CDH12: variants seen among roughly 807,000 people sequenced by gnomAD.
CDH12 encodes the protein cadherin 12.
In CDH12, 41 loss-of-function variants were observed where a neutral mutation model predicts 74.1. The ratio of observed to expected loss-of-function variants is 0.55; its 90% CI spans 0.43 to 0.72. The LOEUF (loss-of-function observed/expected upper bound fraction) is 0.72. Among genes scored for constraint, CDH12 ranks in the 30% least tolerant of loss-of-function variants. The pLI is 0.00. For missense variants in CDH12, 945 were observed against 977.2 expected, an observed-to-expected ratio of 0.97 and a Z score of 0.44; for synonymous variants, 399 against 355.0, an observed-to-expected ratio of 1.12 and a Z score of -1.39.
chr5:22,694,602 A>AT (rs1224249117), intron 1 of CDH12, among the ~76,000 whole-genome samples: 1 of 151,922 alleles, frequency 6.6e-6, no homozygotes, highest in African/African-American at 2.4e-5. Flanking sequence ...CTATTTCTGT[A>AT]TTTTTTTATT....
intron 6 of CDH12, among the ~76,000 whole-genome samples, chr5:21,870,761 T>C (rs1268517515): frequency 6.6e-6 from 1 of 152,150 alleles, no homozygotes; most frequent in Non-Finnish European, 1.5e-5. Context: ...ATACAGTGTC[T>C]CACTCTGTCA....
chr5:22,224,998 A>C (rs1752145412), intron 3 of CDH12, among the ~76,000 whole-genome samples: 1 of 151,970 alleles, frequency 6.6e-6, no homozygotes. Context: ...CTTTCTCATG[A>C]CTCACAGTAA....
chr5:22,249,060 C>T (rs1420069735), intron 3 of CDH12, among the ~76,000 whole-genome samples: 1 of 151,930 alleles, frequency 6.6e-6, no homozygotes, highest in Non-Finnish European at 1.5e-5. Flanking sequence ...AATCTATATG[C>T]TCTTTGCAAT....
At chr5:22,234,649 A>T (rs1752499746) in intron 3 of CDH12, among the ~76,000 whole-genome samples, 1 of 150,366 alleles carries the variant, frequency 6.7e-6, no homozygotes. Flanking sequence ...CTATCCATAT[A>T]TCTATTTTCT....
chr5:22,118,578 AAAGGTATATACCTTT>A (rs2150271617), intron 4 of CDH12, among the ~76,000 whole-genome samples: 1 of 152,086 alleles, frequency 6.6e-6, no homozygotes, highest in South Asian at 2.1e-4. Flanking sequence ...GTCATGTGTG[AAAGGTATATACCTTT>A]CACACATGAA....
At chr5:22,698,745 T>TA (rs1742555952) in intron 1 of CDH12, among the ~76,000 whole-genome samples, 6 of 109,848 alleles carry the variant, frequency 5.5e-5, no homozygotes, top group African/African-American at 2.2e-4. Flanking sequence ...AGTGTGTGTG[T>TA]GTGTGTGTGT....
intron 3 of CDH12, among the ~76,000 whole-genome samples, chr5:22,346,023 T>C (rs1740094704): frequency 2.0e-5 from 3 of 151,550 alleles, no homozygotes; most frequent in South Asian, 4.2e-4. Flanking sequence ...AGAGAATCAC[T>C]TGAACCCGGG....
intron 6 of CDH12, among the ~76,000 whole-genome samples, chr5:21,943,550 C>A (rs1358326524): frequency 6.6e-6 from 1 of 152,092 alleles, no homozygotes; most frequent in African/African-American, 2.4e-5. Context: ...ACAAAAAGGT[C>A]ATCTGGGGTG....
At chr5:22,593,036 GAAA>G (rs11420428) in intron 1 of CDH12, among the ~76,000 whole-genome samples, 3 of 110,484 alleles carry the variant, frequency 2.7e-5, no homozygotes, top group African/African-American at 3.4e-5. Context: ...TCTCAAAAAA[GAAA>G]AAAAAAAAAA....
intron 3 of CDH12, among the ~76,000 whole-genome samples, chr5:22,391,982 A>C (rs1171628715): frequency 6.6e-6 from 1 of 152,190 alleles, no homozygotes; most frequent in Admixed American, 6.5e-5. Context: ...GAAAGGCACC[A>C]AAGAGGTAAG....
chr5:22,211,298 T>C (rs1230748473), intron 4 of CDH12, among the ~76,000 whole-genome samples: 1 of 152,174 alleles, frequency 6.6e-6, no homozygotes, highest in Non-Finnish European at 1.5e-5. Context: ...GCTTTAACAA[T>C]AGAAATTAAT....
At chr5:22,726,826 T>G (rs1239164793) in intron 1 of CDH12, among the ~76,000 whole-genome samples, 2 of 151,828 alleles carry the variant, frequency 1.3e-5, no homozygotes, top group Non-Finnish European at 2.9e-5. Context: ...ATAGAAGTAA[T>G]ACAAACAGGA....
At chr5:22,518,200 T>TA (rs1368345378) in intron 1 of CDH12, among the ~76,000 whole-genome samples, 2 of 152,236 alleles carry the variant, frequency 1.3e-5, no homozygotes, top group African/African-American at 4.8e-5. Context: ...GTTTGTTTCT[T>TA]ACTCAAACAT....
At chr5:22,569,546 C>T (rs187202639) in intron 1 of CDH12, among the ~76,000 whole-genome samples, 1 of 152,174 alleles carries the variant, frequency 6.6e-6, no homozygotes, top group Non-Finnish European at 1.5e-5. Flanking sequence ...GTCTCGCACA[C>T]CTCAAATCCT....
At position 22,347,890 on chromosome 5, in the gene CDH12, G is replaced by A. The variant is rs564751292; in HGVS notation, c.-333+57367C>T. Among the ~76,000 whole-genome samples, 3 of 152,212 alleles carry A rather than the reference G, an allele frequency of 2.0e-5. No individual in the cohort carries two copies. The East Asian group carries it at 5.8e-4, about 30-fold the overall frequency. ...CCCATGTGGATTTCAACATTTTACA[G>A]TCATTCTCCTGAGGTGGAGATTATG... On this transcript the variant is annotated intron_variant, in intron 3 of 14. Coordinates refer to ENST00000382254, the MANE Select transcript of CDH12 (RefSeq NM_004061.5).
At chr5:21,951,575 C>A (rs538987366) in intron 6 of CDH12, among the ~76,000 whole-genome samples, 2 of 152,312 alleles carry the variant, frequency 1.3e-5, no homozygotes, top group East Asian at 3.9e-4. Context: ...TAAGCTCTAC[C>A]TTCTTTCTTG....
chr5:21,978,879 T>C (rs542843776), intron 5 of CDH12, among the ~76,000 whole-genome samples: 6 of 152,190 alleles, frequency 3.9e-5, no homozygotes, highest in Non-Finnish European at 8.8e-5. Flanking sequence ...TTTTAGTGAT[T>C]CCGGAAATTG....
intron 1 of CDH12, among the ~76,000 whole-genome samples, chr5:22,775,372 T>C (rs1372475259): frequency 6.6e-6 from 1 of 152,114 alleles, no homozygotes. Flanking sequence ...AGGCTCATAG[T>C]GGTTCACAAT....
intron 3 of CDH12, among the ~76,000 whole-genome samples, chr5:22,366,286 C>T (rs1411158139): frequency 6.6e-6 from 1 of 151,704 alleles, no homozygotes; most frequent in Admixed American, 6.6e-5. Context: ...AATATTTATT[C>T]TTTCTTTTTT....
Sources: allele counts gnomAD v4.1 joint callset (sites outside exome capture counted in the v4.1 genomes callset), GRCh38; gene constraint gnomAD v4.1.1; transcripts MANE v1.5; gene names NCBI Gene and HGNC (gene_info 2026-07-23, HGNC 2026-07-21).